Variants in ZNF208 observed in about 807,000 individuals in gnomAD.
The protein encoded by ZNF208 is zinc finger protein 208.
In ZNF208, 10 loss-of-function variants were observed where a neutral mutation model predicts 12.1. The ratio of observed to expected loss-of-function variants is 0.83; its 90% confidence interval spans 0.51 to 1.40. The LOEUF (loss-of-function observed/expected upper bound fraction) is 1.40, where lower values mean the gene tolerates loss of function less well. Ranked by LOEUF, ZNF208 falls within the 40% of genes most tolerant of loss-of-function variation. The probability of loss-of-function intolerance (pLI) is 0.00; values close to 1 mark genes in which losing one functional copy is unlikely to be tolerated. For synonymous variants in ZNF208, 497 were observed against 488.4 expected (o/e 1.02, Z -0.23); for missense variants, 1,652 against 1,485.0 (o/e 1.11, Z -1.85).
At chr19:21,946,214 C>T (rs145901501) in intron 4 of ZNF208, among the ~76,000 whole-genome samples, 260 of 152,168 alleles carry the variant, frequency 1.7e-3, no homozygotes, top group Middle Eastern at 6.8e-3. Flanking sequence ...ATTACTTTAG[C>T]CCTTGATTGG....
rs747158358 is a variant in ZNF208 at position 21,971,442 on chromosome 19, T to C, written c.3592A>G (p.Lys1198Glu). Residue 1198 changes from lysine to glutamate, a missense_variant, in exon 4 of 4, where the codon AAA (lysine) becomes GAA (glutamate). This residue lies in a region of ZNF208 where 1,239 missense variants were observed against 1,086.2 expected (regional missense o/e 1.14). Coordinates refer to ENST00000397126, the MANE Select transcript of ZNF208 (RefSeq NM_007153.3). ...TAGGCTTTGCCACATTCTTCACATT[T>C]GTAGAGTTTCTCTCCAGTATGAATT... ...KVIHTGEKLYKCEECGKAYKW... is the reference protein window; with the variant it reads ...KVIHTGEKLYECEECGKAYKW... 1 of 1,610,346 alleles carries C rather than the reference T, an allele frequency of 6.2e-7. No individual in the cohort carries two copies. Among genetic ancestry groups the C allele is most frequent in the Non-Finnish European group, 8.5e-7 (1 of 1,179,428 alleles).
intron 4 of ZNF208, among the ~76,000 whole-genome samples, chr19:21,945,768 G>A (rs1362205393): frequency 1.3e-5 from 2 of 152,008 alleles, no homozygotes; most frequent in Non-Finnish European, 2.9e-5. Flanking sequence ...TGTTTTCAAT[G>A]TGTTAAGGAA....
chr19:22,010,806 CA>C lies in ZNF208; in HGVS notation c.-13del. 6.2e-7 allele frequency: 1 copy of C among 1,614,142 alleles called. No homozygotes were observed. Among genetic ancestry groups the C allele is most frequent in the Non-Finnish European group, 8.5e-7 (1 of 1,180,000 alleles). ...GGCACACTCACCATTTCTAGGCTTC[CA>C]GGGGGTCCTGGCGACTTAGTTGTGG... On this transcript the variant is annotated 5_prime_UTR_variant, in exon 1 of 4. Transcript: ENST00000397126.
At chr19:21,959,541 ACC>A (rs1970030602) in intron 4 of ZNF208, among the ~76,000 whole-genome samples, 2 of 152,242 alleles carry the variant, frequency 1.3e-5, no homozygotes, top group African/African-American at 4.8e-5. Flanking sequence ...ACTGGAGAAG[ACC>A]AGCTCAGCAC....
intron 3 of ZNF208, among the ~76,000 whole-genome samples, chr19:21,977,472 G>A (rs976147289): frequency 6.6e-6 from 1 of 152,174 alleles, no homozygotes; most frequent in Admixed American, 6.5e-5. Context: ...GAAGTGCAAC[G>A]GGTTGGGGAA....
At chr19:21,954,559 T>G (rs974608071) in intron 4 of ZNF208, among the ~76,000 whole-genome samples, 1 of 152,254 alleles carries the variant, frequency 6.6e-6, no homozygotes, top group Non-Finnish European at 1.5e-5. Flanking sequence ...TAGCTTTTCT[T>G]GTTGCATTGA....
In ZNF208 at chr19:21,987,304, A is replaced by G. The variant is rs773979545; in HGVS notation, c.138T>C (p.Ala46=). Reference sequence around the variant, plus strand: ...AAATGATCAGGTCTGGCTTAAAGGCAGCAATACCTGTTTTATTAAAAATGA... The same window carrying G: ...AAATGATCAGGTCTGGCTTAAAGGCGGCAATACCTGTTTTATTAAAAATGA... ...NYRNLVFLGI[A]AFKPDLIIFL... Residue 46 remains alanine, a synonymous_variant, in exon 3 of 4, where the codon GCT becomes GCC. Transcript: ENST00000397126. 6.2e-6 allele frequency: 10 copies of G among 1,604,848 alleles called. No individual in the cohort carries two copies. In the Admixed American group the frequency reaches 1.5e-4, roughly 25 times the overall value.
chr19:21,986,774 A>G (rs1001273604), intron 3 of ZNF208: 93 of 348,870 alleles, frequency 2.7e-4, no homozygotes, highest in African/African-American at 1.8e-3. Context: ...TAATAAAAAC[A>G]GGATGAAATG....
intron 3 of ZNF208, among the ~76,000 whole-genome samples, chr19:21,980,591 C>CTAAA (rs1970520025): frequency 6.6e-6 from 1 of 152,132 alleles, no homozygotes. Context: ...ATATATAGCA[C>CTAAA]TAAATGCCCA....
chr19:21,977,747 T>A (rs1446311930), intron 3 of ZNF208, among the ~76,000 whole-genome samples: 2 of 152,192 alleles, frequency 1.3e-5, no homozygotes, highest in East Asian at 3.9e-4. Flanking sequence ...TTCACTCCCC[T>A]GGAAAGAGGG....
chr19:21,942,879 G>A (rs1969763526), intron 4 of ZNF208, among the ~76,000 whole-genome samples: 1 of 152,122 alleles, frequency 6.6e-6, no homozygotes. Flanking sequence ...TGGAACTCCT[G>A]ACCTTGTGAT....
intron 4 of ZNF208, among the ~76,000 whole-genome samples, chr19:21,947,077 T>C (rs1234473001): frequency 2.0e-5 from 3 of 152,120 alleles, no homozygotes; most frequent in Non-Finnish European, 4.4e-5. Flanking sequence ...GTAAAGTCAG[T>C]CAGTGTCTTA....
chr19:21,983,693 T>A (rs1486404349), intron 3 of ZNF208, among the ~76,000 whole-genome samples: 1 of 152,106 alleles, frequency 6.6e-6, no homozygotes, highest in African/African-American at 2.4e-5. Flanking sequence ...TGAGTTCATG[T>A]CCTTTCCAGG....
At chr19:22,003,782 A>G (rs1316040514) in intron 1 of ZNF208, among the ~76,000 whole-genome samples, 1 of 152,186 alleles carries the variant, frequency 6.6e-6, no homozygotes, top group East Asian at 1.9e-4. Flanking sequence ...TTCTATCCTA[A>G]AGACACATGC....
chr19:22,010,693 A>G lies in ZNF208; in HGVS notation c.3+99T>C. 3 of 1,577,696 alleles carry G rather than the reference A, an allele frequency of 1.9e-6. No homozygotes were observed. In the South Asian group the frequency reaches 3.3e-5, roughly 17 times the overall value. On this transcript the variant is annotated intron_variant, in intron 1 of 3. Transcript: ENST00000397126. ...GCAAGAACTCGGGGCACAGATGTGG[A>G]GCTGACTGCGGGGAGGCCTGAGTCC...
chr19:21,956,893 A>T (rs886669974), intron 4 of ZNF208, among the ~76,000 whole-genome samples: 1 of 152,136 alleles, frequency 6.6e-6, no homozygotes, highest in African/African-American at 2.4e-5. Context: ...AAAATGCAGA[A>T]ATCACCCATC....
intron 1 of ZNF208, among the ~76,000 whole-genome samples, chr19:22,001,306 C>T (rs1164388735): frequency 1.5e-5 from 2 of 132,106 alleles, no homozygotes; most frequent in Non-Finnish European, 3.3e-5. Flanking sequence ...AACAAACAAA[C>T]AAAAAATCAA....
chr19:21,974,379 A>T lies in ZNF208; in HGVS notation c.655T>A (p.Tyr219Asn). Residue 219 changes from tyrosine to asparagine, a missense_variant, in exon 4 of 4, where the codon TAT (tyrosine) becomes AAT (asparagine). Transcript: ENST00000397126. ...AFNWSSTLTY[Y>N]KSAHTGEKPY... is the part of the protein sequence containing the mutation. ...TTCTCTCCAGTATGAGCACTCTTAT[A>T]ATAAGTAAGGGTTGAGGACCAGTTA... is the stretch of plus-strand genomic sequence containing the variant. 3 of 1,613,424 alleles carry T rather than the reference A, an allele frequency of 1.9e-6. No homozygotes were observed. The highest frequency in any genetic ancestry group is 1.7e-4 in the Middle Eastern group (1 of 6,056).
At chr19:21,947,421 A>G (rs1421989045) in intron 4 of ZNF208, among the ~76,000 whole-genome samples, 1 of 152,182 alleles carries the variant, frequency 6.6e-6, no homozygotes, top group Non-Finnish European at 1.5e-5. Flanking sequence ...TTTGCCTAAA[A>G]ATATAAAGTT....
Sources: gnomAD v4.1 joint callset for allele counts (sites outside exome capture counted in the v4.1 genomes callset) on GRCh38, gnomAD v4.1.1 for gene constraint, gnomAD v4.1.1 regional missense constraint, MANE v1.5 for transcripts, NCBI Gene and HGNC (gene_info 2026-07-23, HGNC 2026-07-21) for gene names.